Variants in HHEX observed in about 807,000 individuals in gnomAD.
HHEX encodes hematopoietically expressed homeobox.
In HHEX, 8 loss-of-function variants were observed where a neutral mutation model predicts 27.0. That is an observed-to-expected ratio of 0.30 (90% CI 0.17 to 0.54). The LOEUF (loss-of-function observed/expected upper bound fraction) is 0.54, where lower values mean the gene tolerates loss of function less well. Among genes scored for constraint, HHEX ranks in the 20% least tolerant of loss-of-function variants. HHEX has a pLI of 0.95. For missense variants in HHEX, 326 were observed against 357.2 expected (o/e 0.91, Z 0.70); for synonymous variants, 164 against 161.5 (o/e 1.02, Z -0.12).
Position 92,689,968 on chromosome 10 carries a change from G to T in HHEX, c.-19G>T. On this transcript the variant is annotated 5_prime_UTR_variant, in exon 1 of 4. Transcript: ENST00000282728. Reference sequence around the variant, plus strand: ...GCGCGGGCCAGCAGCTCTGCGAGGGGCCGGAGCGCGGCGGAGCCATGCAGT... The same window carrying T: ...GCGCGGGCCAGCAGCTCTGCGAGGGTCCGGAGCGCGGCGGAGCCATGCAGT... 1.5e-6 allele frequency: 2 copies of T among 1,347,826 alleles called. No homozygotes were observed. Among genetic ancestry groups the T allele is most frequent in the Non-Finnish European group, 1.9e-6 (2 of 1,055,782 alleles). The allele number at this position is 1,347,826 out of a possible 1,614,324, so 83.5% of individuals were successfully genotyped here. A position where few individuals can be genotyped will look rare whatever the true frequency, so the allele number is the denominator to read the frequency against.
chr10:92,692,118 C>T (rs1845360818), intron 1 of HHEX: 2 of 405,078 alleles, frequency 4.9e-6, no homozygotes, highest in East Asian at 8.1e-5. Flanking sequence ...GGATTTAGTT[C>T]TAGGTGTGAC....
Position 92,690,223 on chromosome 10 carries a change from C to T in HHEX, c.237C>T (p.Phe79=). Reference sequence around the variant, plus strand: ...AGCCCACGCCGATCCATCCAGCCTTCTCGCACCACTCCGCCGCCGCGCTGG... The same window carrying T: ...AGCCCACGCCGATCCATCCAGCCTTTTCGCACCACTCCGCCGCCGCGCTGG... ...VYEPTPIHPA[F]SHHSAAALAA... The change falls in exon 1 of 4, where the codon TTC becomes TTT. Residue 79 remains phenylalanine, a synonymous_variant. Coordinates refer to ENST00000282728, the MANE Select transcript of HHEX (RefSeq NM_002729.5). 6.4e-7 allele frequency: 1 copy of T among 1,571,570 alleles called. No individual in the cohort carries two copies. The highest frequency in any genetic ancestry group is 1.7e-4 in the Middle Eastern group (1 of 6,014).
At chr10:92,691,282 T>A (rs1206017741) in intron 1 of HHEX, among the ~76,000 whole-genome samples, 1 of 152,156 alleles carries the variant, frequency 6.6e-6, no homozygotes, top group Non-Finnish European at 1.5e-5. Flanking sequence ...AAGCCGCCCG[T>A]GGTCCGCGCT....
chr10:92,694,287 A>G (rs1319996107), intron 3 of HHEX, among the ~76,000 whole-genome samples: 41 of 152,180 alleles, frequency 2.7e-4, no homozygotes, highest in Admixed American at 6.5e-5. Context: ...TTTGTGTTCA[A>G]TTGGTATAAT....
chr10:92,690,243 C>T lies in HHEX; in HGVS notation c.257C>T (p.Ala86Val), dbSNP rs1845338326. The T allele has an allele frequency of 6.4e-7, 1 of 1,564,244 alleles. No individual in the cohort carries two copies. Among genetic ancestry groups the T allele is most frequent in the African/African-American group, 1.4e-5 (1 of 73,882 alleles). ...GCCTTCTCGCACCACTCCGCCGCCG[C>T]GCTGGCCGCTGCCTACGGACCCGGC... is the stretch of plus-strand genomic sequence containing the variant. ...HPAFSHHSAA[A>V]LAAAYGPGGF... Residue 86 changes from alanine to valine, a missense_variant, in exon 1 of 4, where the codon GCG becomes GTG. Coordinates refer to ENST00000282728, the MANE Select transcript of HHEX (RefSeq NM_002729.5).
chr10:92,689,961 G>A lies in HHEX; in HGVS notation c.-26G>A, dbSNP rs1473261961. On this transcript the variant is annotated 5_prime_UTR_variant, in exon 1 of 4. Transcript: ENST00000282728. ...CGCCGCGGCGCGGGCCAGCAGCTCT[G>A]CGAGGGGCCGGAGCGCGGCGGAGCC... 7.5e-7 allele frequency: 1 copy of A among 1,332,350 alleles called. No homozygotes were observed. Among genetic ancestry groups the A allele is most frequent in the Non-Finnish European group, 9.6e-7 (1 of 1,046,468 alleles). The allele number at this position is 1,332,350 out of a possible 1,614,324, so 82.5% of individuals were successfully genotyped here.
Position 92,689,966 on chromosome 10 carries a change from G to A in HHEX, c.-21G>A, listed in dbSNP as rs1405576692. 2 of 1,343,544 alleles carry A rather than the reference G, an allele frequency of 1.5e-6. No homozygotes were observed. The highest frequency in any genetic ancestry group is 3.1e-5 in the East Asian group (1 of 31,782). 83.2% of individuals were successfully genotyped at this position (1,343,544 alleles called of 1,614,324 possible). On this transcript the variant is annotated 5_prime_UTR_variant, in exon 1 of 4. Transcript: ENST00000282728. ...CGGCGCGGGCCAGCAGCTCTGCGAG[G>A]GGCCGGAGCGCGGCGGAGCCATGCA...
chr10:92,693,136 A>G (rs1272259859), intron 3 of HHEX, among the ~76,000 whole-genome samples: 1 of 152,256 alleles, frequency 6.6e-6, no homozygotes, highest in African/African-American at 2.4e-5. Flanking sequence ...TAATAAAACC[A>G]GGCAGAACTC....
At position 92,692,372 on chromosome 10, in the gene HHEX, A is replaced by C; in HGVS notation, c.366A>C (p.Lys122Asn). 3.1e-6 allele frequency: 5 copies of C among 1,612,348 alleles called. No homozygotes were observed. The highest frequency in any genetic ancestry group is 4.2e-6 in the Non-Finnish European group (5 of 1,179,724). The change falls in exon 2 of 4, where the codon AAA becomes AAC. Residue 122 changes from lysine to asparagine, a missense_variant. Physicochemically the swap from Lys to Asn is moderately conservative, Grantham distance 94. Around this residue, in one of 4 missense-constraint regions of HHEX, gnomAD observed 215 missense variants for 196.4 expected, o/e 1.09. Transcript: ENST00000282728. ...CGCCGCTCTTCCCGCTCGCAGGCAA[A>C]CCTCTACTCTGGAGCCCCTTCTTGC... is the stretch of plus-strand genomic sequence containing the variant. ...HALLRHDPLGKPLLWSPFLQR... is the reference protein window; with the variant it reads ...HALLRHDPLGNPLLWSPFLQR...
At chr10:92,690,454 A>G (rs924318626) in intron 1 of HHEX, 107 bp downstream of exon 1, 2 of 1,288,788 alleles carry the variant, frequency 1.6e-6, no homozygotes, top group Non-Finnish European at 1.0e-6. Flanking sequence ...GCTGTGGCAA[A>G]AGCGATGGAA....
chr10:92,691,402 C>T (rs981200252), intron 1 of HHEX, among the ~76,000 whole-genome samples: 14 of 152,196 alleles, frequency 9.2e-5, no homozygotes, highest in African/African-American at 3.4e-4. Flanking sequence ...AGTAGGGACC[C>T]TGAAAACAAT....
At chr10:92,691,030 T>G (rs987591122) in intron 1 of HHEX, among the ~76,000 whole-genome samples, 1 of 152,008 alleles carries the variant, frequency 6.6e-6, no homozygotes, top group African/African-American at 2.4e-5. Flanking sequence ...TTGCTTCCTA[T>G]TTTTTTTCGA....
At chr10:92,690,389 C>CG (rs1365590460) in intron 1 of HHEX, 42 bp downstream of exon 1, 5 of 1,394,236 alleles carry the variant, frequency 3.6e-6, no homozygotes, top group Middle Eastern at 2.1e-4. Flanking sequence ...AAGCGCCACC[C>CG]GGCAGGTGGC....
At chr10:92,692,016 T>C (rs542193541) in intron 1 of HHEX, 19 of 180,536 alleles carry the variant, frequency 1.1e-4, no homozygotes, top group Non-Finnish European at 2.1e-4. Flanking sequence ...CAAAAAGTTA[T>C]GTATAAATCC....
intron 3 of HHEX, among the ~76,000 whole-genome samples, chr10:92,693,032 T>G (rs1476263132): frequency 1.3e-5 from 2 of 152,250 alleles, no homozygotes; most frequent in Non-Finnish European, 2.9e-5. Context: ...ATATGTTGTT[T>G]ATCTAATTAA....
Position 92,690,049 on chromosome 10 carries a change from G to A in HHEX, c.63G>A (p.Thr21=), listed in dbSNP as rs1341989298. The change falls in exon 1 of 4, where the codon ACG becomes ACA. Residue 21 remains threonine, a synonymous_variant. Coordinates refer to ENST00000282728, the MANE Select transcript of HHEX (RefSeq NM_002729.5). ...GAVGVPLYAP[T]PLLQPAHPTP... ...TGGGGGTGCCGCTGTACGCGCCCAC[G>A]CCGCTGCTGCAACCCGCACACCCGA... is the stretch of plus-strand genomic sequence containing the variant. The A allele has an allele frequency of 1.3e-6, 2 of 1,531,716 alleles. No homozygotes were observed. Among genetic ancestry groups the A allele is most frequent in the African/African-American group, 1.4e-5 (1 of 70,604 alleles). 94.9% of individuals were successfully genotyped at this position (1,531,716 alleles called of 1,614,324 possible).
At chr10:92,690,434 G>C in intron 1 of HHEX, 87 bp downstream of exon 1, 1 of 1,347,514 alleles carries the variant, frequency 7.4e-7, no homozygotes, top group Non-Finnish European at 9.6e-7. Context: ...AAGGGGGCAG[G>C]CGGTAGACGG....
At position 92,689,962 on chromosome 10, in the gene HHEX, C is replaced by A. The variant is rs1156269677; in HGVS notation, c.-25C>A. On this transcript the variant is annotated 5_prime_UTR_variant, in exon 1 of 4. Transcript: ENST00000282728. Reference sequence around the variant, plus strand: ...GCCGCGGCGCGGGCCAGCAGCTCTGCGAGGGGCCGGAGCGCGGCGGAGCCA... The same window carrying A: ...GCCGCGGCGCGGGCCAGCAGCTCTGAGAGGGGCCGGAGCGCGGCGGAGCCA... The A allele has an allele frequency of 3.8e-6, 5 of 1,332,116 alleles. No individual in the cohort carries two copies. Among genetic ancestry groups the A allele is most frequent in the Non-Finnish European group, 4.8e-6 (5 of 1,046,154 alleles). 82.5% of individuals were successfully genotyped at this position (1,332,116 alleles called of 1,614,324 possible).
chr10:92,691,576 G>A (rs950529646), intron 1 of HHEX: 2 of 152,234 alleles, frequency 1.3e-5, no homozygotes. Flanking sequence ...CCAGCCTCGA[G>A]GGTTTGATGA....
Sources: allele counts gnomAD v4.1 joint callset (sites outside exome capture counted in the v4.1 genomes callset), GRCh38; gene constraint gnomAD v4.1.1; regional missense constraint gnomAD v4.1.1; transcripts MANE v1.5; gene names NCBI Gene and HGNC (gene_info 2026-07-23, HGNC 2026-07-21).